Variants in GRID2 observed in about 807,000 individuals in gnomAD.
The protein encoded by GRID2 is glutamate ionotropic receptor delta type subunit 2.
GRID2 carries 33 observed loss-of-function variants against 114.8 expected under a neutral mutation model. That is an observed-to-expected ratio of 0.29 (90% CI 0.22 to 0.38). The LOEUF is 0.38. Among genes scored for constraint, GRID2 ranks in the 10% least tolerant of loss-of-function variants. GRID2 has a pLI of 1.00. For synonymous variants in GRID2, 505 were observed against 449.9 expected, an observed-to-expected ratio of 1.12 and a Z score of -1.55; for missense variants, 1,184 against 1,257.7, an observed-to-expected ratio of 0.94 and a Z score of 0.89.
chr4:92,832,850 C>G (rs1460607586), intron 2 of GRID2, among the ~76,000 whole-genome samples: 1 of 152,120 alleles, frequency 6.6e-6, no homozygotes, highest in Non-Finnish European at 1.5e-5. Context: ...CACTTTTTCT[C>G]TATGCATCCA....
intron 10 of GRID2, among the ~76,000 whole-genome samples, chr4:93,428,496 A>G (rs1196409123): frequency 6.6e-6 from 1 of 152,142 alleles, no homozygotes; most frequent in African/African-American, 2.4e-5. Context: ...AAAAGATTTT[A>G]TACCTAAAAC....
chr4:93,538,531 T>C (rs1007404933), intron 13 of GRID2, among the ~76,000 whole-genome samples: 1 of 151,830 alleles, frequency 6.6e-6, no homozygotes, highest in Non-Finnish European at 1.5e-5. Flanking sequence ...ACTTAGTGAT[T>C]GGTTTCCAAA....
intron 9 of GRID2, among the ~76,000 whole-genome samples, chr4:93,397,977 T>C (rs1765498548): frequency 1.3e-5 from 2 of 151,508 alleles, no homozygotes; most frequent in Admixed American, 6.6e-5. Context: ...ATATGGAGTG[T>C]TAACTGTACT....
intron 8 of GRID2, among the ~76,000 whole-genome samples, chr4:93,324,385 G>C (rs978345260): frequency 1.3e-5 from 2 of 151,994 alleles, no homozygotes; most frequent in East Asian, 1.9e-4. Flanking sequence ...GCCTTGCATC[G>C]CAGGGATGAA....
At position 92,965,450 on chromosome 4, in the gene GRID2, T is replaced by TAAAA. The variant is rs869285420; in HGVS notation, c.245-119509_245-119506dup. Among the ~76,000 whole-genome samples, 145 of 85,688 alleles carry TAAAA rather than the reference T, an allele frequency of 1.7e-3. 2 individuals are homozygous for TAAAA. The highest frequency in any genetic ancestry group is 2.2e-3 in the Non-Finnish European group (91 of 41,772). 56.2% of individuals were successfully genotyped at this position (85,688 alleles called of 152,430 possible). A position where few individuals can be genotyped will look rare whatever the true frequency, so the allele number is the denominator to read the frequency against. On this transcript the variant is annotated intron_variant, in intron 2 of 15. Coordinates refer to ENST00000282020, the MANE Select transcript of GRID2 (RefSeq NM_001510.4). The stretch of plus-strand genomic sequence containing the variant: ...AGGGTTGCCATAAACATTCAATTTG[T>TAAAA]AAAAAAAAAAAAAAAAAAAAAAAAA...
intron 2 of GRID2, among the ~76,000 whole-genome samples, chr4:92,658,677 A>C (rs1732362736): frequency 6.6e-6 from 1 of 151,572 alleles, no homozygotes; most frequent in African/African-American, 2.4e-5. Context: ...AAGCAAAAAT[A>C]ATCACGATTT....
intron 14 of GRID2, among the ~76,000 whole-genome samples, chr4:93,689,134 A>T (rs1010717666): frequency 1.3e-5 from 2 of 152,004 alleles, no homozygotes; most frequent in East Asian, 1.9e-4. Flanking sequence ...ACCATCTACC[A>T]AGGAAGGAGA....
intron 1 of GRID2, among the ~76,000 whole-genome samples, chr4:92,313,117 G>C (rs1187174765): frequency 7.0e-6 from 1 of 141,932 alleles, no homozygotes; most frequent in East Asian, 2.2e-4. Flanking sequence ...GTGTGTGTGT[G>C]TGTGTATATG....
intron 2 of GRID2, among the ~76,000 whole-genome samples, chr4:92,728,769 C>T (rs1014528746): frequency 6.6e-6 from 1 of 151,844 alleles, no homozygotes; most frequent in African/African-American, 2.4e-5. Flanking sequence ...GCCTCTTACT[C>T]TTTGGAGCTT....
intron 1 of GRID2, among the ~76,000 whole-genome samples, chr4:92,583,397 T>G (rs1413295490): frequency 1.3e-5 from 2 of 152,042 alleles, no homozygotes; most frequent in East Asian, 3.9e-4. Context: ...TTTCCAACAA[T>G]TAGAGTCATT....
At position 92,951,225 on chromosome 4, in the gene GRID2, G is replaced by A. The variant is rs536952167; in HGVS notation, c.245-133770G>A. ...CAACAGAATCATCCATTTTAAATGAGCCTTAAGTTTTCTACTTATTAAATA... is the reference window on the plus strand; with the variant it reads ...CAACAGAATCATCCATTTTAAATGAACCTTAAGTTTTCTACTTATTAAATA... On this transcript the variant is annotated intron_variant, in intron 2 of 15. Coordinates refer to ENST00000282020, the MANE Select transcript of GRID2 (RefSeq NM_001510.4). 5.2e-3 allele frequency among the ~76,000 whole-genome samples: 784 copies of A among 151,992 alleles called. 4 individuals carry two copies. The highest frequency in any genetic ancestry group is 8.2e-3 in the Non-Finnish European group (556 of 67,946).
chr4:93,439,878 ATC>A (rs1186914070), intron 10 of GRID2, among the ~76,000 whole-genome samples: 1 of 152,036 alleles, frequency 6.6e-6, no homozygotes, highest in Non-Finnish European at 1.5e-5. Context: ...AGTCGAGCCT[ATC>A]TCTCTATGCC....
intron 2 of GRID2, among the ~76,000 whole-genome samples, chr4:92,709,589 A>AATATATATAT (rs1553919235): frequency 4.1e-4 from 47 of 114,634 alleles, no homozygotes; most frequent in Admixed American, 7.1e-4. Flanking sequence ...AAAAAAAAAA[A>AATATATATAT]ATATATATAT....
intron 2 of GRID2, among the ~76,000 whole-genome samples, chr4:92,786,419 C>G (rs373555966): frequency 5.7e-4 from 87 of 151,894 alleles, no homozygotes; most frequent in African/African-American, 2.0e-3. Flanking sequence ...TTTTACATCA[C>G]TATCTTAAGG....
At chr4:92,917,196 G>A (rs1319403480) in intron 2 of GRID2, among the ~76,000 whole-genome samples, 1 of 151,882 alleles carries the variant, frequency 6.6e-6, no homozygotes, top group Non-Finnish European at 1.5e-5. Flanking sequence ...CGCCCACGTG[G>A]TGATGGGGTT....
At chr4:93,251,287 G>T (rs573754839) in intron 8 of GRID2, among the ~76,000 whole-genome samples, 11 of 152,046 alleles carry the variant, frequency 7.2e-5, no homozygotes, top group Non-Finnish European at 1.3e-4. Context: ...ATTTGAAGTA[G>T]CTCCTCTCTA....
chr4:92,406,974 G>C (rs532618408), intron 1 of GRID2, among the ~76,000 whole-genome samples: 1 of 151,990 alleles, frequency 6.6e-6, no homozygotes, highest in Non-Finnish European at 1.5e-5. Flanking sequence ...TAAAAAAGGA[G>C]GTTTAATTGG....
intron 8 of GRID2, among the ~76,000 whole-genome samples, chr4:93,291,468 G>T (rs72874922): frequency 2.0e-5 from 3 of 152,076 alleles, no homozygotes; most frequent in Non-Finnish European, 4.4e-5. Flanking sequence ...AGTGTCTGAC[G>T]TATAGTAAAC....
intron 2 of GRID2, among the ~76,000 whole-genome samples, chr4:92,663,711 G>A (rs1732632936): frequency 6.6e-6 from 1 of 151,032 alleles, no homozygotes; most frequent in Non-Finnish European, 1.5e-5. Context: ...ACACATTAAT[G>A]TTGTGCATCC....
Sources: gnomAD v4.1 joint callset for allele counts (sites outside exome capture counted in the v4.1 genomes callset) on GRCh38, gnomAD v4.1.1 for gene constraint, MANE v1.5 for transcripts, NCBI Gene and HGNC (gene_info 2026-07-23, HGNC 2026-07-21) for gene names.